The following TCP1 variants were observed in gnomAD, a reference collection of about 807,000 sequenced individuals.
The protein encoded by TCP1 is t-complex 1.
Under a neutral mutation model 54.7 loss-of-function variants are expected in TCP1, and 6 were observed. The ratio of observed to expected loss-of-function variants is 0.11; its 90% CI spans 0.06 to 0.22. TCP1 has a LOEUF of 0.22. TCP1 is among the 10% of genes least tolerant of loss of function. TCP1 has a pLI of 1.00. For synonymous variants in TCP1, 225 were observed against 229.7 expected (o/e 0.98, Z 0.19); for missense variants, 511 against 678.2 (o/e 0.75, Z 2.74).
chr6:159,779,647 T>C lies in TCP1; in HGVS notation c.1434A>G (p.Pro478=), dbSNP rs375583731. 3.7e-5 allele frequency: 60 copies of C among 1,605,528 alleles called. No individual in the cohort carries two copies. In the African/African-American group the frequency reaches 6.3e-4, roughly 17 times the overall value. The stretch of plus-strand genomic sequence containing the variant: ...CTTACCATTTTAGATTTTTACGTTC[T>C]GGGTTAACCTGGGCCTCATTATGAA... ...RAFHNEAQVN[P]ERKNLKWIGL... is the part of the protein sequence containing the mutation. The change falls in exon 11 of 12, where the codon CCA becomes CCG. Residue 478 remains proline (P), a synonymous_variant. Coordinates refer to ENST00000321394, the MANE Select transcript of TCP1 (RefSeq NM_030752.3).
chr6:159,785,427 A>T lies in TCP1; in HGVS notation c.447T>A (p.Ile149=). ...NTDELGRDCL[I]NAAKTSMSSK... ...AAGACATGGATGTCTTAGCAGCATT[A>T]ATCAGGCAATCTCTTCCCAGTTCAT... is the stretch of plus-strand genomic sequence containing the variant. The change falls in exon 5 of 12, where the codon ATT becomes ATA. Residue 149 remains isoleucine, a synonymous_variant. Coordinates refer to ENST00000321394, the MANE Select transcript of TCP1 (RefSeq NM_030752.3). 6.2e-7 allele frequency: 1 copy of T among 1,613,306 alleles called. No individual in the cohort carries two copies. The highest frequency in any genetic ancestry group is 8.5e-7 in the Non-Finnish European group (1 of 1,179,972).
chr6:159,781,844 A>G (rs1780584941), intron 7 of TCP1, among the ~76,000 whole-genome samples: 1 of 152,242 alleles, frequency 6.6e-6, no homozygotes, highest in South Asian at 2.1e-4. Flanking sequence ...CAGAAAAGTG[A>G]AAAACCTTGC....
rs1780520380 is a variant in TCP1, at chr6:159,779,492, T to C, written c.1454+135A>G. 3.2e-6 allele frequency: 4 copies of C among 1,245,242 alleles called. No homozygotes were observed. In the African/African-American group the frequency reaches 4.5e-5, roughly 14 times the overall value. The allele number at this position is 1,245,242 out of a possible 1,614,324, so 77.1% of individuals were successfully genotyped here. A position where few individuals can be genotyped will look rare whatever the true frequency, so the allele number is the denominator to read the frequency against. On this transcript the variant is annotated intron_variant, in intron 11 of 11. Transcript: ENST00000321394. ...TGAATTACAGTGACTGAACAACAAA[T>C]GCTTGCTGTGAAGTTTTTCATGTTA... is the stretch of plus-strand genomic sequence containing the variant.
At chr6:159,781,249 C>A in intron 7 of TCP1, 139 bp from the exon 8 acceptor site, 1 of 809,944 alleles carries the variant, frequency 1.2e-6, no homozygotes, top group Non-Finnish European at 1.8e-6. Flanking sequence ...TTAAATTAGT[C>A]CAATTCATGG....
chr6:159,780,966 C>A lies in TCP1; in HGVS notation c.942G>T (p.Arg314Ser). 1 of 1,609,420 alleles carries A rather than the reference C, an allele frequency of 6.2e-7. No individual in the cohort carries two copies. The highest frequency in any genetic ancestry group is 8.5e-7 in the Non-Finnish European group (1 of 1,178,742). The change falls in exon 8 of 12, where the codon AGG (arginine) becomes AGT (serine). Residue 314 changes from arginine to serine, a missense_variant. Physicochemically the swap from Arg to Ser is moderately radical, Grantham distance 110. This residue lies in a region of TCP1 where 305 missense variants were observed against 352.8 expected (regional missense o/e 0.86). Coordinates refer to ENST00000321394, the MANE Select transcript of TCP1 (RefSeq NM_030752.3). The part of the protein sequence containing the change: ...GAMAVRRVLK[R>S]DLKRIAKASG... ...AAGCTTTGGCAATGCGTTTAAGGTC[C>A]CTTTTTAAAACTCTTCTAACTGCCA...
Position 159,780,080 on chromosome 6 carries a change from C to T in TCP1, c.1105G>A (p.Ala369Thr). 6.2e-7 allele frequency: 1 copy of T among 1,612,222 alleles called. No individual in the cohort carries two copies. The highest frequency in any genetic ancestry group is 8.5e-7 in the Non-Finnish European group (1 of 1,179,394). The change falls in exon 10 of 12, where the codon GCT (alanine) becomes ACT (threonine). Residue 369 changes from alanine (A) to threonine (T), a missense_variant. Around this residue, in one of 5 missense-constraint regions of TCP1, gnomAD observed 305 missense variants for 352.8 expected, o/e 0.86. Coordinates refer to ENST00000321394, the MANE Select transcript of TCP1 (RefSeq NM_030752.3). ...DELILIKNTK[A>T]RTSASIILRG... is the part of the protein sequence containing the mutation. ...AAGATAATCGATGCAGACGTACGAG[C>T]CTTAGTACTGTTCAAAACAAAAGTA...
chr6:159,779,372 T>C, intron 11 of TCP1, 111 bp from the exon 12 acceptor site: 2 of 1,085,270 alleles, frequency 1.8e-6, no homozygotes. Flanking sequence ...AGACTAGAGA[T>C]CTTGTAGGTA....
intron 4 of TCP1, 194 bp from the exon 5 acceptor site, chr6:159,785,690 C>T: frequency 1.3e-6 from 1 of 793,694 alleles, no homozygotes; most frequent in Non-Finnish European, 2.2e-6. Flanking sequence ...AGCATAGCCA[C>T]TAAAATCTAT....
At chr6:159,786,594 A>G (rs1220150665) in intron 3 of TCP1, among the ~76,000 whole-genome samples, 1 of 152,236 alleles carries the variant, frequency 6.6e-6, no homozygotes, top group African/African-American at 2.4e-5. Context: ...ACTAAGAAAT[A>G]TTTTTAAAGC....
In TCP1 at chr6:159,778,935, C is replaced by G; in HGVS notation, c.*110G>C. ...AAGTACAGATGGAAACCATTTCCTA[C>G]ATCACAAAAACCCAAGTTTACAGCT... is the stretch of plus-strand genomic sequence containing the variant. On this transcript the variant is annotated 3_prime_UTR_variant, in exon 12 of 12. Transcript: ENST00000321394. 3 of 1,562,860 alleles carry G rather than the reference C, an allele frequency of 1.9e-6. No homozygotes were observed. Among genetic ancestry groups the G allele is most frequent in the Non-Finnish European group, 2.6e-6 (3 of 1,149,626 alleles).
intron 7 of TCP1, among the ~76,000 whole-genome samples, chr6:159,783,173 CAAG>C (rs1467912412): frequency 6.6e-6 from 1 of 151,940 alleles, no homozygotes; most frequent in Non-Finnish European, 1.5e-5. Context: ...AAGTATGAAA[CAAG>C]AATCAAAGAA....
At chr6:159,788,211 C>T in intron 1 of TCP1, 68 bp from the exon 2 acceptor site, 2 of 1,486,542 alleles carry the variant, frequency 1.3e-6, no homozygotes, top group Non-Finnish European at 1.9e-6. Flanking sequence ...ACAGTAATTT[C>T]AGCCTAAAGG....
intron 7 of TCP1, 41 bp downstream of exon 7, chr6:159,783,900 A>T: frequency 6.5e-7 from 1 of 1,544,346 alleles, no homozygotes. Context: ...GTCCTCCAAG[A>T]CACTCACACT....
chr6:159,789,566 G>C lies in TCP1; in HGVS notation c.-98C>G. On this transcript the variant is annotated 5_prime_UTR_variant, in exon 1 of 12. Transcript: ENST00000321394. ...GGCGACCACAGCAGTGGCTGCGACG[G>C]CGTGGAGCGTACCCGAGCGATGTCC... The C allele has an allele frequency of 7.0e-7, 1 of 1,425,284 alleles. No homozygotes were observed. The highest frequency in any genetic ancestry group is 1.2e-5 in the South Asian group (1 of 83,362). 88.3% of individuals were successfully genotyped at this position (1,425,284 alleles called of 1,614,324 possible). A position where few individuals can be genotyped will look rare whatever the true frequency, so the allele number is the denominator to read the frequency against.
At position 159,779,258 on chromosome 6, in the gene TCP1, A is replaced by T; in HGVS notation, c.1458T>A (p.Ile486=). Residue 486 remains isoleucine (I), a synonymous_variant, in exon 12 of 12, where the codon ATT becomes ATA. Transcript: ENST00000321394. ...VNPERKNLKW[I]GLDLSNGKPR... ...GTTTACCATTGCTCAAATCAAGACC[A>T]ATCCTGCAATTAAGAAAGAATTATT... 1 of 1,611,826 alleles carries T rather than the reference A, an allele frequency of 6.2e-7. No individual in the cohort carries two copies. Among genetic ancestry groups the T allele is most frequent in the Non-Finnish European group, 8.5e-7 (1 of 1,178,792 alleles).
chr6:159,789,388 G>T lies in TCP1; in HGVS notation c.64+17C>A. ...CTCCCCGGCCGCAAACCCGACCCAG[G>T]CCCGGCCCGCCCTTACCGTTTTGGG... On this transcript the variant is annotated intron_variant, in intron 1 of 11. Transcript: ENST00000321394. 1 of 1,613,348 alleles carries T rather than the reference G, an allele frequency of 6.2e-7. No homozygotes were observed. Among genetic ancestry groups the T allele is most frequent in the Non-Finnish European group, 8.5e-7 (1 of 1,179,724 alleles).
chr6:159,783,413 G>C (rs1394785307), intron 7 of TCP1, among the ~76,000 whole-genome samples: 1 of 124,324 alleles, frequency 8.0e-6, no homozygotes, highest in Non-Finnish European at 1.6e-5. Context: ...ACAGGGTCTC[G>C]CTGTCACCCA....
intron 4 of TCP1, 162 bp downstream of exon 4, chr6:159,785,738 A>T: frequency 1.3e-6 from 1 of 793,770 alleles, no homozygotes; most frequent in East Asian, 2.4e-5. Flanking sequence ...GAGAAAAAAG[A>T]TACTGGTCCA....
chr6:159,789,435 T>A lies in TCP1; in HGVS notation c.34A>T (p.Ser12Cys), dbSNP rs1308869981. 1.2e-6 allele frequency: 2 copies of A among 1,613,692 alleles called. No homozygotes were observed. The highest frequency in any genetic ancestry group is 2.2e-5 in the South Asian group (2 of 91,082). The change falls in exon 1 of 12, where the codon AGC becomes TGC. Residue 12 changes from serine to cysteine, a missense_variant. Ser to Cys is a moderately radical substitution (Grantham distance 112). This residue lies in a region of TCP1 where 35 missense variants were observed against 32.7 expected (regional missense o/e 1.07). Transcript: ENST00000321394. The part of the protein sequence containing the change: ...EGPLSVFGDR[S>C]TGETIRSQNV... ...TGGGAGCGGATCGTTTCCCCAGTGC[T>A]GCGGTCACCGAACACGGACAAAGGC...
Sources: gnomAD v4.1 joint callset for allele counts (sites outside exome capture counted in the v4.1 genomes callset) on GRCh38, gnomAD v4.1.1 for gene constraint, gnomAD v4.1.1 regional missense constraint, MANE v1.5 for transcripts, NCBI Gene and HGNC (gene_info 2026-07-23, HGNC 2026-07-21) for gene names.